MARCHF1: variants seen among roughly 807,000 people sequenced by gnomAD.
MARCHF1 encodes the protein membrane associated ring-CH-type finger 1, also known as E3 ubiquitin-protein ligase MARCHF1.
Under a neutral mutation model 54.2 loss-of-function variants are expected in MARCHF1, and 40 were observed. That is an observed-to-expected ratio of 0.74 (90% confidence interval 0.57 to 0.96). MARCHF1 has a LOEUF of 0.96. MARCHF1 is among the 40% of genes least tolerant of loss of function. The pLI, the probability that MARCHF1 is intolerant of heterozygous loss-of-function variation, is 0.00. For synonymous variants in MARCHF1, 236 were observed against 236.3 expected (o/e 1.00, Z 0.01); for missense variants, 586 against 656.5 (o/e 0.89, Z 1.17).
chr4:164,085,598 C>A (rs905726455), intron 2 of MARCHF1, among the ~76,000 whole-genome samples: 2 of 151,744 alleles, frequency 1.3e-5, no homozygotes, highest in East Asian at 3.9e-4. Context: ...TTTCATTTGC[C>A]AAATACTCAC....
chr4:163,993,580 T>A (rs1753008121), intron 2 of MARCHF1, among the ~76,000 whole-genome samples: 2 of 152,122 alleles, frequency 1.3e-5, no homozygotes, highest in Admixed American at 1.3e-4. Flanking sequence ...TGTTGGAGAA[T>A]CAATAGCAGT....
chr4:164,320,880 ATC>A (rs980210729), intron 1 of MARCHF1, among the ~76,000 whole-genome samples: 1 of 152,174 alleles, frequency 6.6e-6, no homozygotes, highest in Admixed American at 6.6e-5. Context: ...CCCAGCTACC[ATC>A]TCTCTGTCTT....
intron 4 of MARCHF1, among the ~76,000 whole-genome samples, chr4:163,853,678 T>C (rs896650716): frequency 2.4e-4 from 36 of 152,206 alleles, no homozygotes; most frequent in African/African-American, 8.4e-4. Flanking sequence ...GATGACTCTG[T>C]ACTTACTTTT....
In MARCHF1 at chr4:163,919,568, T is replaced by C. The variant is rs1364558642; in HGVS notation, c.-38-65399A>G. Reference sequence around the variant, plus strand: ...TGTGAAATTAATATTTATATTATAGTTGCAAAGAGTAAAAATTTTAAGAAT... The same window carrying C: ...TGTGAAATTAATATTTATATTATAGCTGCAAAGAGTAAAAATTTTAAGAAT... On this transcript the variant is annotated intron_variant, in intron 3 of 9. Transcript: ENST00000514618. Among the ~76,000 whole-genome samples the C allele has an allele frequency of 2.6e-5, 4 of 152,090 alleles. No individual in the cohort carries two copies. In the East Asian group the frequency reaches 7.7e-4, roughly 29 times the overall value.
At chr4:163,969,249 A>C (rs1413110707) in intron 3 of MARCHF1, among the ~76,000 whole-genome samples, 6 of 152,198 alleles carry the variant, frequency 3.9e-5, no homozygotes, top group Admixed American at 3.9e-4. Context: ...ATTTTGTGCT[A>C]AGCTCAATAT....
intron 1 of MARCHF1, among the ~76,000 whole-genome samples, chr4:164,220,771 AT>A (rs34796186): frequency 0.23 from 33,419 of 145,060 alleles, 4,338 homozygotes; most frequent in Non-Finnish European, 0.29. Flanking sequence ...TATATGATAT[AT>A]TTTTTTTTGG....
At chr4:164,094,830 T>C (rs1033091666) in intron 2 of MARCHF1, among the ~76,000 whole-genome samples, 1 of 152,134 alleles carries the variant, frequency 6.6e-6, no homozygotes, top group African/African-American at 2.4e-5. Flanking sequence ...AAAGAACAAC[T>C]GTGATCATCT....
chr4:164,366,112 T>C (rs1473932731), intron 1 of MARCHF1, among the ~76,000 whole-genome samples: 1 of 152,086 alleles, frequency 6.6e-6, no homozygotes, highest in Non-Finnish European at 1.5e-5. Flanking sequence ...ACTATGAATA[T>C]AAAATCAGAA....
chr4:163,547,860 C>T (rs749616726), intron 8 of MARCHF1, among the ~76,000 whole-genome samples: 2 of 152,138 alleles, frequency 1.3e-5, no homozygotes, highest in Non-Finnish European at 2.9e-5. Flanking sequence ...TGTAATTTTC[C>T]TTGAAGGAGT....
At chr4:163,897,933 C>T (rs189990489) in intron 3 of MARCHF1, among the ~76,000 whole-genome samples, 5 of 151,462 alleles carry the variant, frequency 3.3e-5, no homozygotes, top group South Asian at 4.2e-4. Context: ...TGGTGGCGGG[C>T]GCCTGTAGTC....
chr4:164,032,688 G>A (rs1753903487), intron 2 of MARCHF1, among the ~76,000 whole-genome samples: 1 of 152,088 alleles, frequency 6.6e-6, no homozygotes, highest in South Asian at 2.1e-4. Flanking sequence ...TTGCACTGTG[G>A]TCTAACAGAC....
chr4:164,246,832 A>T (rs1222838960), intron 1 of MARCHF1, among the ~76,000 whole-genome samples: 2 of 129,982 alleles, frequency 1.5e-5, no homozygotes, highest in East Asian at 4.9e-4. Context: ...GAAGACATTT[A>T]TGCAGCCAAA....
intron 5 of MARCHF1, among the ~76,000 whole-genome samples, chr4:163,658,120 C>A (rs979808365): frequency 6.6e-6 from 1 of 151,998 alleles, no homozygotes; most frequent in East Asian, 1.9e-4. Flanking sequence ...AACAGGCAAC[C>A]TACAGAGTGG....
chr4:163,822,597 AATT>A (rs1748725428), intron 4 of MARCHF1, among the ~76,000 whole-genome samples: 1 of 151,900 alleles, frequency 6.6e-6, no homozygotes. Context: ...TTATTTTAAA[AATT>A]AATTTTGTTT....
intron 1 of MARCHF1, among the ~76,000 whole-genome samples, chr4:164,233,241 C>CAAAAA (rs150148007): frequency 1.4e-5 from 2 of 147,890 alleles, no homozygotes; most frequent in African/African-American, 5.0e-5. Context: ...CTGTTTATTT[C>CAAAAA]AAAAAAAAAA....
At chr4:164,229,828 G>A (rs1245114937) in intron 1 of MARCHF1, among the ~76,000 whole-genome samples, 1 of 152,088 alleles carries the variant, frequency 6.6e-6, no homozygotes, top group African/African-American at 2.4e-5. Context: ...GATATCATGA[G>A]AACTCACTCA....
intron 3 of MARCHF1, among the ~76,000 whole-genome samples, chr4:163,883,898 T>C (rs1197072987): frequency 6.6e-6 from 1 of 152,180 alleles, no homozygotes; most frequent in Non-Finnish European, 1.5e-5. Context: ...TATCACAAAA[T>C]AGCAAATTGG....
intron 1 of MARCHF1, among the ~76,000 whole-genome samples, chr4:164,238,642 T>C (rs544985760): frequency 3.0e-4 from 46 of 151,632 alleles, no homozygotes; most frequent in Non-Finnish European, 6.5e-4. Context: ...GATATTTGTA[T>C]AGTAGCTATA....
intron 4 of MARCHF1, among the ~76,000 whole-genome samples, chr4:163,733,276 C>G (rs1193762683): frequency 2.8e-5 from 3 of 108,458 alleles, no homozygotes; most frequent in Admixed American, 1.1e-4. Context: ...CACACACACA[C>G]AGACACATAC....
Sources: gnomAD v4.1 joint callset for allele counts (sites outside exome capture counted in the v4.1 genomes callset) on GRCh38, gnomAD v4.1.1 for gene constraint, MANE v1.5 for transcripts, NCBI Gene and HGNC (gene_info 2026-07-23, HGNC 2026-07-21) for gene names.